ARRDC3: variants seen among roughly 807,000 people sequenced by gnomAD.
The protein encoded by ARRDC3 is arrestin domain-containing protein 3.
ARRDC3 carries 10 observed loss-of-function variants against 47.2 expected under a neutral mutation model. The ratio of observed to expected loss-of-function variants is 0.21; its 90% CI spans 0.13 to 0.36. The LOEUF (loss-of-function observed/expected upper bound fraction) is 0.36, where lower values mean the gene tolerates loss of function less well. Among genes scored for constraint, ARRDC3 ranks in the 10% least tolerant of loss-of-function variants. The pLI, the probability that ARRDC3 is intolerant of heterozygous loss-of-function variation, is 1.00. For missense variants in ARRDC3, 381 were observed against 503.6 expected (o/e 0.76, Z 2.33); for synonymous variants, 156 against 178.3 (o/e 0.87, Z 1.00).
At chr5:91,379,340 A>G (rs556277685) in intron 1 of ARRDC3, among the ~76,000 whole-genome samples, 93 of 149,386 alleles carry the variant, frequency 6.2e-4, no homozygotes, top group African/African-American at 2.2e-3. Flanking sequence ...TGTCAGATTT[A>G]TAACTAAAAA....
In ARRDC3 at chr5:91,383,233, G is replaced by C; in HGVS notation, c.-141C>G. 1 of 770,492 alleles carries C rather than the reference G, an allele frequency of 1.3e-6. No homozygotes were observed. The highest frequency in any genetic ancestry group is 2.0e-6 in the Non-Finnish European group (1 of 501,490). The allele number at this position is 770,492 out of a possible 1,614,324, so 47.7% of individuals were successfully genotyped here. ...CCGGATCAGTGATTCTCTACAAATA[G>C]TTCATTGAGATTTCTTAAAAAGTCA... On this transcript the variant is annotated 5_prime_UTR_variant, in exon 1 of 8. Coordinates refer to ENST00000265138, the MANE Select transcript of ARRDC3 (RefSeq NM_020801.4).
intron 1 of ARRDC3, among the ~76,000 whole-genome samples, chr5:91,379,353 ATTAT>A (rs1317536249): frequency 6.6e-6 from 1 of 150,380 alleles, no homozygotes; most frequent in African/African-American, 2.5e-5. Flanking sequence ...ACTAAAAATA[ATTAT>A]TTATTGAACT....
intron 3 of ARRDC3, among the ~76,000 whole-genome samples, chr5:91,376,055 C>T (rs752738877): frequency 1.3e-5 from 2 of 151,942 alleles, no homozygotes; most frequent in Non-Finnish European, 2.9e-5. Flanking sequence ...AGGAAAATGC[C>T]CATTTCTTAT....
chr5:91,374,367 C>G (rs1195515390), intron 5 of ARRDC3, 91 bp from the exon 6 acceptor site: 1 of 1,140,004 alleles, frequency 8.8e-7, no homozygotes, highest in Non-Finnish European at 1.2e-6. Context: ...ATTTGAAACC[C>G]CCATTTACTT....
At chr5:91,375,424 ATGTTT>A in intron 4 of ARRDC3, 82 bp downstream of exon 4, 2 of 947,114 alleles carry the variant, frequency 2.1e-6, no homozygotes, top group Non-Finnish European at 1.6e-6. Flanking sequence ...ATACTATATT[ATGTTT>A]ATATTTAGTA....
In ARRDC3 at chr5:91,376,657, G is replaced by A. The variant is rs1799309812; in HGVS notation, c.474C>T (p.Val158=). Residue 158 remains valine (V), a synonymous_variant, in exon 3 of 8, where the codon GTC becomes GTT. Transcript: ENST00000265138. ...GAGTGTTGATATCTATATGCTCAAAGACTGTAAATTCCTTCTTTAATTTTA... is the reference window on the plus strand; with the variant it reads ...GAGTGTTGATATCTATATGCTCAAAAACTGTAAATTCCTTCTTTAATTTTA... The part of the protein sequence containing the change: ...LPVKLKKEFT[V]FEHIDINTPS... 1.9e-6 allele frequency: 3 copies of A among 1,612,666 alleles called. No individual in the cohort carries two copies. The South Asian group carries it at 3.3e-5, about 18-fold the overall frequency.
chr5:91,373,577 C>G, intron 7 of ARRDC3, 107 bp downstream of exon 7: 1 of 1,114,432 alleles, frequency 9.0e-7, no homozygotes, highest in Non-Finnish European at 1.3e-6. Context: ...ATTATTTGTT[C>G]TGTTAACATG....
chr5:91,371,582 C>A, intron 7 of ARRDC3, 126 bp from the exon 8 acceptor site: 1 of 687,372 alleles, frequency 1.5e-6, no homozygotes, highest in Admixed American at 2.7e-5. Context: ...AGCTTGTTAG[C>A]ATATTATATC....
rs776903713 is a variant in ARRDC3 at position 91,378,727 on chromosome 5, T to C, written c.329A>G (p.His110Arg). 6.2e-7 allele frequency: 1 copy of C among 1,601,694 alleles called. No individual in the cohort carries two copies. The highest frequency in any genetic ancestry group is 1.1e-5 in the South Asian group (1 of 87,590). The change falls in exon 2 of 8, where the codon CAT (histidine) becomes CGT (arginine). Residue 110 changes from histidine to arginine, a missense_variant. Coordinates refer to ENST00000265138, the MANE Select transcript of ARRDC3 (RefSeq NM_020801.4). ...AAGCTCGAAGCTGAATGCATATTCA[T>C]GCCTTCCTGAATGAATAGTGTGGAA... is the stretch of plus-strand genomic sequence containing the variant. The part of the protein sequence containing the change: ...EGFHTIHSGR[H>R]EYAFSFELPQ...
intron 1 of ARRDC3, 21 bp downstream of exon 1, chr5:91,382,792 T>G: frequency 6.2e-7 from 1 of 1,602,294 alleles, no homozygotes; most frequent in Non-Finnish European, 8.5e-7. Flanking sequence ...GTCCAATGAC[T>G]TATGAATAAC....
At chr5:91,378,902 G>A (rs72771512) in intron 1 of ARRDC3, 127 bp from the exon 2 acceptor site, 9,599 of 508,312 alleles carry the variant, frequency 0.019, 128 homozygotes, top group Non-Finnish European at 0.023. Flanking sequence ...GAGTCTGAGA[G>A]ATCTGAGTTC....
rs564935883 is a variant in ARRDC3, at chr5:91,371,528, C to T, written c.1189-72G>A. 25 of 1,160,812 alleles carry T rather than the reference C, an allele frequency of 2.2e-5. No homozygotes were observed. In the African/African-American group the frequency reaches 3.4e-4, roughly 16 times the overall value. The allele number at this position is 1,160,812 out of a possible 1,614,324, so 71.9% of individuals were successfully genotyped here. A position where few individuals can be genotyped will look rare whatever the true frequency, so the allele number is the denominator to read the frequency against. On this transcript the variant is annotated intron_variant, in intron 7 of 7. Coordinates refer to ENST00000265138, the MANE Select transcript of ARRDC3 (RefSeq NM_020801.4). ...CTAGGAAGAATGTAGCAAATGACTA[C>T]AATTCTGAATACTAGTCAAGAAATG...
chr5:91,375,461 C>T, intron 4 of ARRDC3, 50 bp downstream of exon 4: 1 of 1,275,606 alleles, frequency 7.8e-7, no homozygotes, highest in Non-Finnish European at 1.1e-6. Context: ...AATTTAAACA[C>T]AAAAGCTAAG....
rs1799481730 is a variant in ARRDC3, at chr5:91,382,853, C to T, written c.240G>A (p.Glu80=). 1 of 1,614,076 alleles carries T rather than the reference C, an allele frequency of 6.2e-7. No homozygotes were observed. The highest frequency in any genetic ancestry group is 2.2e-5 in the East Asian group (1 of 44,874). ...TTAAGATGTCTTTATGGTTGAAATA[C>T]TCTACTTCTTCAGTGTAATTCTGTG... ...AYTQNYTEEV[E]YFNHKDILIG... is the part of the protein sequence containing the mutation. Residue 80 remains glutamate (E), a synonymous_variant, in exon 1 of 8, where the codon GAG becomes GAA. Transcript: ENST00000265138.
chr5:91,375,370 G>GA, intron 4 of ARRDC3, 141 bp downstream of exon 4: 5 of 890,934 alleles, frequency 5.6e-6, no homozygotes, highest in East Asian at 2.7e-5. Flanking sequence ...TCTACTTTGT[G>GA]AAAAAAACAA....
Position 91,368,765 on chromosome 5 carries a change from A to T in ARRDC3, c.*2635T>A, listed in dbSNP as rs1008371259. On this transcript the variant is annotated 3_prime_UTR_variant, in exon 8 of 8. Coordinates refer to ENST00000265138, the MANE Select transcript of ARRDC3 (RefSeq NM_020801.4). ...AAAACAAAACACTTTATTTTCCACA[A>T]GGAAGAGCAATAGGAAAAATTAAAT... is the stretch of plus-strand genomic sequence containing the variant. 1 of 152,654 alleles carries T rather than the reference A, an allele frequency of 6.6e-6. No homozygotes were observed. Among genetic ancestry groups the T allele is most frequent in the Non-Finnish European group, 1.5e-5 (1 of 68,052 alleles). The allele number at this position is 152,654 out of a possible 1,614,324, so 9.5% of individuals were successfully genotyped here.
chr5:91,373,938 T>C (rs948559380), intron 6 of ARRDC3, 100 bp from the exon 7 acceptor site: 2 of 1,526,506 alleles, frequency 1.3e-6, no homozygotes, highest in Admixed American at 1.8e-5. Flanking sequence ...GGTAAAATAA[T>C]TATTGTTTGG....
rs1200642092 is a variant in ARRDC3, at chr5:91,369,427, T to C, written c.*1973A>G. ...TCCTTATTATCTAGTATTAGTTTGC[T>C]ACGGGAGCCCAAACTCTTTAACCGA... On this transcript the variant is annotated 3_prime_UTR_variant, in exon 8 of 8. Transcript: ENST00000265138. The C allele has an allele frequency of 6.6e-6, 1 of 152,182 alleles. No individual in the cohort carries two copies. The highest frequency in any genetic ancestry group is 1.9e-4 in the East Asian group (1 of 5,198). The allele number at this position is 152,182 out of a possible 1,614,324, so 9.4% of individuals were successfully genotyped here. A position where few individuals can be genotyped will look rare whatever the true frequency, so the allele number is the denominator to read the frequency against.
At chr5:91,381,295 CGTT>C (rs1222558094) in intron 1 of ARRDC3, among the ~76,000 whole-genome samples, 1 of 152,176 alleles carries the variant, frequency 6.6e-6, no homozygotes, top group African/African-American at 2.4e-5. Flanking sequence ...CCTCACATCT[CGTT>C]GTTCTACTTT....
Sources: gnomAD v4.1 joint callset for allele counts (sites outside exome capture counted in the v4.1 genomes callset) on GRCh38, gnomAD v4.1.1 for gene constraint, MANE v1.5 for transcripts, NCBI Gene and HGNC (gene_info 2026-07-23, HGNC 2026-07-21) for gene names.